SGPP2: variants seen among roughly 807,000 people sequenced by gnomAD.
SGPP2 encodes sphingosine-1-phosphate phosphatase 2, also known as sphingosine 1-phosphate phosphohydrolase 2.
Under a neutral mutation model 33.9 loss-of-function variants are expected in SGPP2, and 30 were observed. That is an observed-to-expected ratio of 0.89 (90% CI 0.66 to 1.20). The LOEUF is 1.20. SGPP2 is among the 50% of genes most tolerant of loss of function. The probability of loss-of-function intolerance (pLI) is 0.00; values close to 1 mark genes in which losing one functional copy is unlikely to be tolerated. For missense variants in SGPP2, 458 were observed against 532.1 expected, an observed-to-expected ratio of 0.86 and a Z score of 1.37; for synonymous variants, 233 against 225.0, an observed-to-expected ratio of 1.04 and a Z score of -0.32.
At position 222,561,899 on chromosome 2, in the gene SGPP2, C is replaced by A. The variant is rs60636230; in HGVS notation, c.*3001C>A. Among the ~76,000 whole-genome samples the A allele has an allele frequency of 0.032, 4,795 of 148,822 alleles. 120 individuals are homozygous for A. The highest frequency in any genetic ancestry group is 0.071 in the African/African-American group (2,905 of 40,880). On this transcript the variant is annotated 3_prime_UTR_variant, in exon 5 of 5. Transcript: ENST00000321276. ...AGCCCTCTTCCATTCATTTCTCACA[C>A]AGCACTTTGCTCTGTTAAATCCTCT...
intron 1 of SGPP2, among the ~76,000 whole-genome samples, chr2:222,472,293 G>C (rs1180688066): frequency 2.6e-5 from 4 of 152,054 alleles, no homozygotes; most frequent in African/African-American, 9.7e-5. Flanking sequence ...ATTCACTGAG[G>C]CAGGTTGTAT....
At chr2:222,495,119 A>G (rs1212205639) in intron 2 of SGPP2, among the ~76,000 whole-genome samples, 7 of 152,202 alleles carry the variant, frequency 4.6e-5, no homozygotes, top group Non-Finnish European at 2.9e-5. Context: ...CTTACTTTAA[A>G]TTATTTGCAC....
intron 4 of SGPP2, among the ~76,000 whole-genome samples, chr2:222,526,663 A>G (rs1174502008): frequency 2.0e-5 from 3 of 152,222 alleles, no homozygotes; most frequent in East Asian, 1.9e-4. Context: ...TGTAGTACAT[A>G]TACATCATGG....
At chr2:222,472,413 T>C (rs1697858378) in intron 1 of SGPP2, among the ~76,000 whole-genome samples, 1 of 152,022 alleles carries the variant, frequency 6.6e-6, no homozygotes, top group Non-Finnish European at 1.5e-5. Context: ...AGTGGAGTCA[T>C]GAGTCATGGG....
chr2:222,506,912 T>C (rs1698453881), intron 2 of SGPP2, among the ~76,000 whole-genome samples: 1 of 152,012 alleles, frequency 6.6e-6, no homozygotes, highest in Admixed American at 6.6e-5. Flanking sequence ...AATAATCACA[T>C]GGGTGGACCA....
chr2:222,490,877 C>A (rs1698186904), intron 2 of SGPP2, among the ~76,000 whole-genome samples: 1 of 152,132 alleles, frequency 6.6e-6, no homozygotes, highest in Admixed American at 6.5e-5. Context: ...GCCTAGGTTT[C>A]CACTTGCAGT....
chr2:222,504,559 T>C (rs947841952), intron 2 of SGPP2: 4 of 152,066 alleles, frequency 2.6e-5, no homozygotes, highest in Non-Finnish European at 4.4e-5. Context: ...CGGTAAAGAG[T>C]GCGGTGGGCT....
chr2:222,446,942 C>T (rs143138570), intron 1 of SGPP2, among the ~76,000 whole-genome samples: 97 of 152,330 alleles, frequency 6.4e-4, no homozygotes, highest in African/African-American at 2.2e-3. Flanking sequence ...ATTTTTGCTG[C>T]TATAGGTGAC....
At chr2:222,551,449 A>T (rs1689292288) in intron 4 of SGPP2, among the ~76,000 whole-genome samples, 1 of 151,742 alleles carries the variant, frequency 6.6e-6, no homozygotes, top group South Asian at 2.1e-4. Flanking sequence ...TTAATAGCTT[A>T]AAAAAAAACT....
intron 1 of SGPP2, chr2:222,452,737 C>T (rs1377180181): frequency 2.1e-6 from 3 of 1,418,612 alleles, no homozygotes; most frequent in Non-Finnish European, 3.0e-6. Flanking sequence ...GGAAGGTTTC[C>T]AGTCGTGTTC....
chr2:222,524,855 C>T (rs969515146), intron 3 of SGPP2, 89 bp from the exon 4 acceptor site: 7 of 1,008,800 alleles, frequency 6.9e-6, no homozygotes, highest in Non-Finnish European at 1.0e-5. Flanking sequence ...GCAATTCTTG[C>T]ATTAATGAAT....
intron 2 of SGPP2, among the ~76,000 whole-genome samples, chr2:222,485,730 C>G (rs1204656064): frequency 6.6e-6 from 1 of 152,170 alleles, no homozygotes; most frequent in Non-Finnish European, 1.5e-5. Context: ...TCCCCACACC[C>G]CAGGCCTGTC....
At chr2:222,454,656 T>G (rs1235828666) in intron 1 of SGPP2, among the ~76,000 whole-genome samples, 1 of 151,762 alleles carries the variant, frequency 6.6e-6, no homozygotes, top group Admixed American at 6.6e-5. Flanking sequence ...TCTGCTTGAT[T>G]AGCTGAAAAC....
chr2:222,427,159 T>G (rs1408939652), intron 1 of SGPP2, among the ~76,000 whole-genome samples: 1 of 152,244 alleles, frequency 6.6e-6, no homozygotes, highest in African/African-American at 2.4e-5. Flanking sequence ...TGCAGGCAAC[T>G]TTTCTGTTAT....
intron 2 of SGPP2, among the ~76,000 whole-genome samples, chr2:222,478,252 T>A (rs1697978537): frequency 7.2e-6 from 1 of 138,618 alleles, no homozygotes; most frequent in African/African-American, 2.6e-5. Context: ...TGCATCTTCG[T>A]GTATGTGCAT....
At position 222,546,825 on chromosome 2, in the gene SGPP2, CAAAAA is replaced by C. The variant is rs5838955; in HGVS notation, c.649-11508_649-11504del. 4.0e-3 allele frequency among the ~76,000 whole-genome samples: 471 copies of C among 116,612 alleles called. 1 individual carries two copies. The highest frequency in any genetic ancestry group is 0.012 in the African/African-American group (396 of 33,502). The allele number at this position is 116,612 out of a possible 152,430, so 76.5% of individuals were successfully genotyped here. A position where few individuals can be genotyped will look rare whatever the true frequency, so the allele number is the denominator to read the frequency against. On this transcript the variant is annotated intron_variant, in intron 4 of 4. Coordinates refer to ENST00000321276, the MANE Select transcript of SGPP2 (RefSeq NM_152386.4). The stretch of plus-strand genomic sequence containing the variant: ...CGTTTTTATTCTTTTACACATGTTG[CAAAAA>C]AAAAAAAAAAAAAGAACATGCCAGA...
chr2:222,527,287 A>C (rs1249146703), intron 4 of SGPP2, among the ~76,000 whole-genome samples: 2 of 152,198 alleles, frequency 1.3e-5, no homozygotes, highest in African/African-American at 2.4e-5. Flanking sequence ...AGAAACAAAA[A>C]AAAAATTGTG....
At chr2:222,517,683 A>G (rs892741098) in intron 2 of SGPP2, among the ~76,000 whole-genome samples, 5 of 152,216 alleles carry the variant, frequency 3.3e-5, no homozygotes, top group Non-Finnish European at 2.9e-5. Flanking sequence ...TGAGAGTTGC[A>G]GACACACATC....
chr2:222,551,704 C>A (rs1322795310), intron 4 of SGPP2, among the ~76,000 whole-genome samples: 2 of 152,026 alleles, frequency 1.3e-5, no homozygotes, highest in African/African-American at 4.8e-5. Context: ...GGCTATGAAC[C>A]AAAATAGTCT....
Sources: gnomAD v4.1 joint callset for allele counts (sites outside exome capture counted in the v4.1 genomes callset) on GRCh38, gnomAD v4.1.1 for gene constraint, MANE v1.5 for transcripts, NCBI Gene and HGNC (gene_info 2026-07-23, HGNC 2026-07-21) for gene names.